PDE4B: variants seen among roughly 807,000 people sequenced by gnomAD.
The protein encoded by PDE4B is 3',5'-cyclic-AMP phosphodiesterase 4B.
In PDE4B, 20 loss-of-function variants were observed where a neutral mutation model predicts 82.2. The observed-to-expected ratio is 0.24, with a 90% CI of 0.17 to 0.35. The LOEUF is 0.35. Among genes scored for constraint, PDE4B ranks in the 10% least tolerant of loss-of-function variants. PDE4B has a pLI of 1.00. For missense variants in PDE4B, 655 were observed against 907.2 expected, an observed-to-expected ratio of 0.72 and a Z score of 3.57; for synonymous variants, 320 against 318.9, an observed-to-expected ratio of 1.00 and a Z score of -0.04.
intron 1 of PDE4B, among the ~76,000 whole-genome samples, chr1:65,873,507 TAAG>T (rs1285309099): frequency 1.3e-5 from 2 of 152,228 alleles, no homozygotes; most frequent in Admixed American, 1.3e-4. Context: ...GCCAGTTTTT[TAAG>T]GACCAGTTGG....
chr1:65,877,498 C>T (rs571433046), intron 1 of PDE4B, among the ~76,000 whole-genome samples: 1 of 152,054 alleles, frequency 6.6e-6, no homozygotes, highest in African/African-American at 2.4e-5. Flanking sequence ...GCCTGTAGTC[C>T]CAGCTACTTG....
chr1:66,151,299 C>T (rs184926030), intron 3 of PDE4B, among the ~76,000 whole-genome samples: 1 of 152,276 alleles, frequency 6.6e-6, no homozygotes, highest in African/African-American at 2.4e-5. Flanking sequence ...CCATTGCCTA[C>T]ATGTTAAAAT....
chr1:66,123,463 G>A (rs1281224709), intron 3 of PDE4B, among the ~76,000 whole-genome samples: 2 of 151,980 alleles, frequency 1.3e-5, no homozygotes, highest in Non-Finnish European at 2.9e-5. Flanking sequence ...GGTGGGAGTG[G>A]AGAATGCCTG....
intron 7 of PDE4B, among the ~76,000 whole-genome samples, chr1:66,285,316 T>C (rs1656598002): frequency 6.6e-6 from 1 of 152,196 alleles, no homozygotes. Context: ...ACAAATGTTA[T>C]TAGCAGCATT....
chr1:66,165,615 A>C (rs1214832493), intron 3 of PDE4B, among the ~76,000 whole-genome samples: 1 of 152,126 alleles, frequency 6.6e-6, no homozygotes, highest in Non-Finnish European at 1.5e-5. Flanking sequence ...GAATAATTTG[A>C]AAATTAAAAA....
At position 66,355,634 on chromosome 1, in the gene PDE4B, T is replaced by C. The variant is rs772112354; in HGVS notation, c.841+14T>C. 1 of 1,493,654 alleles carries C rather than the reference T, an allele frequency of 6.7e-7. No homozygotes were observed. Among genetic ancestry groups the C allele is most frequent in the South Asian group, 1.1e-5 (1 of 87,516 alleles). 92.5% of individuals were successfully genotyped at this position (1,493,654 alleles called of 1,614,324 possible). A position where few individuals can be genotyped will look rare whatever the true frequency, so the allele number is the denominator to read the frequency against. On this transcript the variant is annotated intron_variant, in intron 9 of 16. Coordinates refer to ENST00000341517, the MANE Select transcript of PDE4B (RefSeq NM_002600.4). ...ATACTTTCTTAGGTAAGATATTAAC[T>C]GGGAAAAACCTGTTTTATAACTGGG...
intron 3 of PDE4B, among the ~76,000 whole-genome samples, chr1:66,196,388 T>A (rs1648299000): frequency 6.6e-6 from 1 of 152,216 alleles, no homozygotes; most frequent in Non-Finnish European, 1.5e-5. Context: ...ATTGATACTC[T>A]CCCAAACAGA....
chr1:65,887,412 C>CTTTTTTTTTTTTTTTTTTTTTTTT (rs1285765740), intron 1 of PDE4B, among the ~76,000 whole-genome samples: 2 of 6,922 alleles, frequency 2.9e-4, no homozygotes, highest in Non-Finnish European at 4.6e-4. Context: ...TCTTTTTCTT[C>CTTTTTTTTTTTTTTTTTTTTTTTT]TGTTTTTTTT....
chr1:65,818,802 G>A (rs1258499625), intron 1 of PDE4B, among the ~76,000 whole-genome samples: 2 of 151,884 alleles, frequency 1.3e-5, no homozygotes, highest in African/African-American at 2.4e-5. Context: ...GAAGCTTAGA[G>A]ATATTATATT....
chr1:65,952,772 G>A (rs565208454), intron 3 of PDE4B, among the ~76,000 whole-genome samples: 26 of 152,166 alleles, frequency 1.7e-4, no homozygotes, highest in Admixed American at 3.9e-4. Flanking sequence ...ACTCAACCAC[G>A]TTGATAGGAA....
rs530491596 is a variant in PDE4B, at chr1:66,043,935, G to T, written c.281+125100G>T. Among the ~76,000 whole-genome samples the T allele has an allele frequency of 2.6e-5, 4 of 151,882 alleles. No homozygotes were observed. The East Asian group carries it at 5.8e-4, about 22-fold the overall frequency. On this transcript the variant is annotated intron_variant, in intron 3 of 16. Coordinates refer to ENST00000341517, the MANE Select transcript of PDE4B (RefSeq NM_002600.4). Reference sequence around the variant, plus strand: ...GGAACCATGATTGGTAAGGACTAAAGATGCAATTTTGAAACTAAAACAAAC... The same window carrying T: ...GGAACCATGATTGGTAAGGACTAAATATGCAATTTTGAAACTAAAACAAAC...
At chr1:66,199,710 A>T (rs1468543010) in intron 3 of PDE4B, among the ~76,000 whole-genome samples, 6 of 152,092 alleles carry the variant, frequency 3.9e-5, no homozygotes, top group Non-Finnish European at 8.8e-5. Context: ...TAAGTAGGAG[A>T]TTCACAAATA....
chr1:66,361,802 A>G lies in PDE4B; in HGVS notation c.1020+9A>G. 6.2e-7 allele frequency: 1 copy of G among 1,604,866 alleles called. No homozygotes were observed. Among genetic ancestry groups the G allele is most frequent in the Non-Finnish European group, 8.5e-7 (1 of 1,174,488 alleles). On this transcript the variant is annotated intron_variant, in intron 10 of 16. Coordinates refer to ENST00000341517, the MANE Select transcript of PDE4B (RefSeq NM_002600.4). Reference sequence around the variant, plus strand: ...AAGATCACCTGGCCAAGGTGTGTATAAGCTCAGGTTTTGTGCATGTAGCTC... The same window carrying G: ...AAGATCACCTGGCCAAGGTGTGTATGAGCTCAGGTTTTGTGCATGTAGCTC...
At chr1:65,792,534 G>A (rs1645583253), upstream of PDE4B, 1 of 152,190 alleles carries the variant, frequency 6.6e-6, no homozygotes, top group Non-Finnish European at 1.5e-5. Context: ...AGCTCTGGTG[G>A]TAAGGGAGAT....
intron 1 of PDE4B, among the ~76,000 whole-genome samples, chr1:65,819,504 G>T (rs72685031): frequency 0.035 from 4,004 of 114,030 alleles, 189 homozygotes; most frequent in African/African-American, 0.1. Context: ...TTTTTGTTTT[G>T]TTTTTTTTTT....
intron 3 of PDE4B, among the ~76,000 whole-genome samples, chr1:66,085,990 A>C (rs1048133884): frequency 5.9e-5 from 9 of 152,144 alleles, no homozygotes; most frequent in African/African-American, 1.9e-4. Flanking sequence ...AACCAAAGCA[A>C]TCAGATAACT....
At chr1:65,983,148 G>A (rs1650774895) in intron 3 of PDE4B, among the ~76,000 whole-genome samples, 1 of 152,186 alleles carries the variant, frequency 6.6e-6, no homozygotes, top group South Asian at 2.1e-4. Context: ...TGTTTGTCCT[G>A]TGCCTGTCCC....
At chr1:66,235,830 A>G (rs1475405485) in intron 3 of PDE4B, among the ~76,000 whole-genome samples, 1 of 152,216 alleles carries the variant, frequency 6.6e-6, no homozygotes, top group Non-Finnish European at 1.5e-5. Context: ...GGATTTTTTC[A>G]GAATCGGGCA....
At chr1:66,217,481 C>A (rs1650558088) in intron 3 of PDE4B, among the ~76,000 whole-genome samples, 1 of 152,120 alleles carries the variant, frequency 6.6e-6, no homozygotes, top group Admixed American at 6.6e-5. Flanking sequence ...TGCCATCTTT[C>A]TCCTTCTGCC....
Sources: gnomAD v4.1 joint callset for allele counts (sites outside exome capture counted in the v4.1 genomes callset) on GRCh38, gnomAD v4.1.1 for gene constraint, MANE v1.5 for transcripts, NCBI Gene and HGNC (gene_info 2026-07-23, HGNC 2026-07-21) for gene names.